NLRP8: variants seen among roughly 807,000 people sequenced by gnomAD.
NLRP8 encodes NLR family pyrin domain containing 8, also known as NACHT, LRR and PYD domains-containing protein 8.
Under a neutral mutation model 88.7 loss-of-function variants are expected in NLRP8, and 86 were observed. The ratio of observed to expected loss-of-function variants is 0.97; its 90% CI spans 0.81 to 1.16. The LOEUF (loss-of-function observed/expected upper bound fraction) is 1.16, where lower values mean the gene tolerates loss of function less well. Among genes scored for constraint, NLRP8 ranks in the 50% most tolerant of loss-of-function variants. NLRP8 has a pLI of 0.00. For synonymous variants in NLRP8, 504 were observed against 494.6 expected (o/e 1.02, Z -0.25); for missense variants, 1,342 against 1,286.5 (o/e 1.04, Z -0.66).
At chr19:55,951,003 A>G (rs1979071704) in intron 1 of NLRP8, among the ~76,000 whole-genome samples, 1 of 152,170 alleles carries the variant, frequency 6.6e-6, no homozygotes, top group African/African-American at 2.4e-5. Context: ...GCTTGAACCC[A>G]GGAGGCAGAG....
Position 55,966,285 on chromosome 19 carries a change from A to G in NLRP8, c.2286A>G (p.Arg762=), listed in dbSNP as rs373337417. The G allele has an allele frequency of 2.2e-5, 35 of 1,614,086 alleles. No individual in the cohort carries two copies. The highest frequency in any genetic ancestry group is 3.0e-5 in the Non-Finnish European group (35 of 1,179,986). ...TTTTGACGGGGAACCAGCATCTGAG[A>G]TACTTGGAAATACAACATGTGGAAG... Residue 762 remains arginine, a synonymous_variant, in exon 5 of 10, where the codon AGA becomes AGG. Coordinates refer to ENST00000291971, the MANE Select transcript of NLRP8 (RefSeq NM_176811.2).
rs545765634 is a variant in NLRP8 at position 55,955,134 on chromosome 19, C to T, written c.1076C>T (p.Thr359Met). 27 of 1,614,006 alleles carry T rather than the reference C, an allele frequency of 1.7e-5. No individual in the cohort carries two copies. The highest frequency in any genetic ancestry group is 4.5e-5 in the East Asian group (2 of 44,874). ...CTCGTAACCCTTCCGGGGTTTAATACGATGGAAAAAATCAAGTATTTCCAG... is the reference window on the plus strand; with the variant it reads ...CTCGTAACCCTTCCGGGGTTTAATATGATGGAAAAAATCAAGTATTTCCAG... The change falls in exon 3 of 10, where the codon ACG (threonine) becomes ATG (methionine). Residue 359 changes from threonine (T) to methionine (M), a missense_variant. By Grantham distance (81) the Thr-to-Met change is moderately conservative. Coordinates refer to ENST00000291971, the MANE Select transcript of NLRP8 (RefSeq NM_176811.2).
intron 4 of NLRP8, among the ~76,000 whole-genome samples, chr19:55,965,984 A>C (rs1273473849): frequency 6.6e-6 from 1 of 152,184 alleles, no homozygotes; most frequent in Non-Finnish European, 1.5e-5. Context: ...GACTGGATAA[A>C]GAAAATGTAG....
intron 5 of NLRP8, among the ~76,000 whole-genome samples, chr19:55,969,410 C>G (rs549622787): frequency 6.6e-6 from 1 of 152,160 alleles, no homozygotes; most frequent in East Asian, 1.9e-4. Flanking sequence ...CCAGCTCCAT[C>G]CAAGTTGCTG....
intron 3 of NLRP8, among the ~76,000 whole-genome samples, chr19:55,959,950 G>A (rs1054789523): frequency 6.6e-6 from 1 of 152,040 alleles, no homozygotes; most frequent in Non-Finnish European, 1.5e-5. Flanking sequence ...CCTTTATCTT[G>A]TCTCCTGCTA....
At chr19:55,957,673 TTATATATA>T (rs10523999) in intron 3 of NLRP8, among the ~76,000 whole-genome samples, 1,407 of 30,418 alleles carry the variant, frequency 0.046, 18 homozygotes, top group Middle Eastern at 0.065. Context: ...AAAATAATAA[TTATATATA>T]TATATATATA....
chr19:55,961,306 C>T (rs937568168), intron 3 of NLRP8, among the ~76,000 whole-genome samples: 6 of 152,148 alleles, frequency 3.9e-5, no homozygotes, highest in African/African-American at 1.4e-4. Flanking sequence ...AGAAAGTCAG[C>T]AGGTCCTTCT....
chr19:55,960,712 G>A (rs985988926), intron 3 of NLRP8, among the ~76,000 whole-genome samples: 2 of 151,948 alleles, frequency 1.3e-5, no homozygotes, highest in African/African-American at 4.8e-5. Context: ...TATTTCATGG[G>A]ATTTAAATTT....
At chr19:55,962,318 C>A in intron 4 of NLRP8, 81 bp downstream of exon 4, 1 of 1,423,668 alleles carries the variant, frequency 7.0e-7, no homozygotes, top group Non-Finnish European at 9.6e-7. Flanking sequence ...TCCCTCTCCA[C>A]TCACACTAGA....
At chr19:55,975,339 C>A (rs186031740) in intron 7 of NLRP8, among the ~76,000 whole-genome samples, 1 of 152,184 alleles carries the variant, frequency 6.6e-6, no homozygotes, top group African/African-American at 2.4e-5. Context: ...AAGCAGGGAA[C>A]GGTGCCACTG....
intron 3 of NLRP8, 24 bp downstream of exon 3, chr19:55,956,124 G>A: frequency 6.3e-7 from 1 of 1,593,048 alleles, no homozygotes; most frequent in Non-Finnish European, 8.6e-7. Context: ...TCCCTCCTTG[G>A]GTAGCCCGTC....
At chr19:55,961,957 C>T (rs1979630334) in intron 3 of NLRP8, 110 bp from the exon 4 acceptor site, 15 of 1,006,278 alleles carry the variant, frequency 1.5e-5, no homozygotes, top group Non-Finnish European at 2.2e-5. Flanking sequence ...CTTAGAGTCA[C>T]TAGAGGCCTA....
chr19:55,948,255 G>C lies in NLRP8; in HGVS notation c.353G>C (p.Arg118Pro), dbSNP rs199960073. Residue 118 changes from arginine (R) to proline (P), a missense_variant, in exon 1 of 10, where the codon CGC becomes CCC. Physicochemically the swap from Arg to Pro is moderately radical, Grantham distance 103. Transcript: ENST00000291971. ...TGTGATAAAATGTGTGTTGTAGTCCGCAGAGAGATAAATGGTGAGTGTTGA... is the reference window on the plus strand; with the variant it reads ...TGTGATAAAATGTGTGTTGTAGTCCCCAGAGAGATAAATGGTGAGTGTTGA... 2 of 1,612,282 alleles carry C rather than the reference G, an allele frequency of 1.2e-6. No homozygotes were observed. Among genetic ancestry groups the C allele is most frequent in the African/African-American group, 2.7e-5 (2 of 74,882 alleles).
intron 7 of NLRP8, 77 bp from the exon 8 acceptor site, chr19:55,976,056 G>A: frequency 7.7e-7 from 1 of 1,306,874 alleles, no homozygotes; most frequent in Non-Finnish European, 1.0e-6. Flanking sequence ...AAACCTAAGG[G>A]TGTTTTCGTT....
chr19:55,955,336 G>A lies in NLRP8; in HGVS notation c.1278G>A (p.Val426=). The change falls in exon 3 of 10, where the codon GTG becomes GTA. Residue 426 remains valine (V), a synonymous_variant. Coordinates refer to ENST00000291971, the MANE Select transcript of NLRP8 (RefSeq NM_176811.2). ...AGTCATGTCCAAATGCCACCTCTGT[G>A]TTCGTCCGGTATATTTCTAGCTTGT... is the stretch of plus-strand genomic sequence containing the variant. 1 of 1,614,170 alleles carries A rather than the reference G, an allele frequency of 6.2e-7. No homozygotes were observed. The highest frequency in any genetic ancestry group is 8.5e-7 in the Non-Finnish European group (1 of 1,180,034).
intron 3 of NLRP8, among the ~76,000 whole-genome samples, chr19:55,961,019 C>T (rs926310642): frequency 1.3e-5 from 2 of 149,750 alleles, no homozygotes; most frequent in African/African-American, 4.9e-5. Flanking sequence ...CTCTTTGCCT[C>T]AGCCTCCCAA....
chr19:55,951,077 C>A (rs548295774), intron 1 of NLRP8, among the ~76,000 whole-genome samples: 13 of 151,312 alleles, frequency 8.6e-5, no homozygotes, highest in Admixed American at 8.6e-4. Context: ...GACTTAGTCT[C>A]AAAAAAAATA....
At chr19:55,974,402 T>C (rs917979700) in intron 7 of NLRP8, among the ~76,000 whole-genome samples, 4 of 152,116 alleles carry the variant, frequency 2.6e-5, no homozygotes, top group African/African-American at 4.8e-5. Flanking sequence ...GCTGCAGGCA[T>C]ATCCCCTGAG....
intron 9 of NLRP8, among the ~76,000 whole-genome samples, chr19:55,979,795 T>A (rs1980499216): frequency 6.6e-6 from 1 of 152,118 alleles, no homozygotes; most frequent in South Asian, 2.1e-4. Context: ...GGTGCATGCC[T>A]GTAGTCCCAG....
Sources: gnomAD v4.1 joint callset for allele counts (sites outside exome capture counted in the v4.1 genomes callset) on GRCh38, gnomAD v4.1.1 for gene constraint, MANE v1.5 for transcripts, NCBI Gene and HGNC (gene_info 2026-07-23, HGNC 2026-07-21) for gene names.